Variants in ARPP21 observed in about 807,000 individuals in gnomAD.
ARPP21 encodes cAMP regulated phosphoprotein 21, also known as cAMP-regulated phosphoprotein 21.
Under a neutral mutation model 113.2 loss-of-function variants are expected in ARPP21, and 69 were observed. The observed-to-expected ratio is 0.61, with a 90% confidence interval of 0.50 to 0.74. The LOEUF is 0.74. Ranked by LOEUF, ARPP21 falls within the 30% of genes least tolerant of loss-of-function variation. ARPP21 has a pLI of 0.00. For missense variants in ARPP21, 1,070 were observed against 1,037.4 expected, an observed-to-expected ratio of 1.03 and a Z score of -0.43; for synonymous variants, 368 against 375.5, an observed-to-expected ratio of 0.98 and a Z score of 0.23.
In ARPP21 at chr3:35,721,736, C is replaced by A. The variant is rs1055157629; in HGVS notation, c.1127C>A (p.Pro376His). The change falls in exon 14 of 21, where the codon CCC (proline) becomes CAC (histidine). Residue 376 changes from proline to histidine, a missense_variant. Coordinates refer to ENST00000684406, the MANE Select transcript of ARPP21 (RefSeq NM_001385562.1). ...DSDSSNRNLK[P>H]AMTKTASFGG... Reference sequence around the variant, plus strand: ...GACAGTTCCAACCGCAATCTAAAGCCCGCCATGACCAAGACGGCGAGTTTT... The same window carrying A: ...GACAGTTCCAACCGCAATCTAAAGCACGCCATGACCAAGACGGCGAGTTTT... 6.2e-7 allele frequency: 1 copy of A among 1,613,886 alleles called. No individual in the cohort carries two copies. The highest frequency in any genetic ancestry group is 2.2e-5 in the East Asian group (1 of 44,862).
Position 35,793,772 on chromosome 3 carries a change from G to A in ARPP21, c.2358G>A (p.Gln786=), listed in dbSNP as rs755279830. 6.2e-7 allele frequency: 1 copy of A among 1,613,960 alleles called. No homozygotes were observed. Among genetic ancestry groups the A allele is most frequent in the Non-Finnish European group, 8.5e-7 (1 of 1,179,864 alleles). ...AACAGCCAATCATGCTACCTAACCA[G>A]GCAGGTCAAGGGTCACTCCCAGCCA... ...SYQQPIMLPN[Q]AGQGSLPATG... is the part of the protein sequence containing the mutation. Residue 786 remains glutamine (Q), a synonymous_variant, in exon 21 of 21, where the codon CAG becomes CAA. Transcript: ENST00000684406.
At chr3:35,717,493 A>AGGTT (rs1225453730) in intron 13 of ARPP21, 136 bp downstream of exon 13, 8 of 597,740 alleles carry the variant, frequency 1.3e-5, no homozygotes, top group Non-Finnish European at 2.1e-5. Context: ...AAGCTTGTTA[A>AGGTT]ATAGCTAGCG....
intron 1 of ARPP21, among the ~76,000 whole-genome samples, chr3:35,671,957 G>A (rs1269288848): frequency 6.6e-6 from 1 of 151,920 alleles, no homozygotes; most frequent in Non-Finnish European, 1.5e-5. Context: ...TCAGTTCAAA[G>A]GTTCAGCACT....
intron 3 of ARPP21, 122 bp downstream of exon 3, chr3:35,682,002 G>A (rs1244066088): frequency 3.5e-6 from 4 of 1,142,742 alleles, no homozygotes; most frequent in South Asian, 4.8e-5. Context: ...ATTAGGAAAT[G>A]CTAGTCTCCT....
chr3:35,706,866 T>A, intron 9 of ARPP21, 108 bp from the exon 10 acceptor site: 1 of 767,404 alleles, frequency 1.3e-6, no homozygotes, highest in Non-Finnish European at 2.1e-6. Context: ...TGAAAACCAC[T>A]TGTAAACTTT....
At chr3:35,684,020 G>T in intron 5 of ARPP21, 2 of 1,586,838 alleles carry the variant, frequency 1.3e-6, no homozygotes, top group South Asian at 2.2e-5. Context: ...TTTTTTTCCA[G>T]ACTCTCTGAA....
chr3:35,717,524 A>G (rs2092583216), intron 13 of ARPP21, among the ~76,000 whole-genome samples, 167 bp downstream of exon 13: 1 of 152,106 alleles, frequency 6.6e-6, no homozygotes. Flanking sequence ...ATTGGGTAGT[A>G]TGAGATATGA....
At chr3:35,787,070 C>T (rs2096649294) in intron 19 of ARPP21, among the ~76,000 whole-genome samples, 1 of 152,158 alleles carries the variant, frequency 6.6e-6, no homozygotes, top group African/African-American at 2.4e-5. Context: ...CCATAGTGTT[C>T]ACAGAATTAG....
chr3:35,667,972 G>C (rs1300390109), intron 1 of ARPP21, among the ~76,000 whole-genome samples: 5 of 129,368 alleles, frequency 3.9e-5, no homozygotes, highest in African/African-American at 1.5e-4. Flanking sequence ...AGAAGAAGAA[G>C]AAGAAGAAGA....
intron 1 of ARPP21, chr3:35,641,798 T>C (rs1174497436): frequency 2.6e-5 from 4 of 152,148 alleles, no homozygotes; most frequent in Non-Finnish European, 5.9e-5. Flanking sequence ...GGAGAGTGAG[T>C]TTGGGTATAT....
At chr3:35,743,999 C>T (rs763919370) in intron 19 of ARPP21, 34 bp downstream of exon 19, 4 of 1,612,664 alleles carry the variant, frequency 2.5e-6, no homozygotes, top group African/African-American at 2.7e-5. Flanking sequence ...TGCTTCTCAA[C>T]CCAGTTATTT....
intron 5 of ARPP21, among the ~76,000 whole-genome samples, chr3:35,687,008 GACTA>G (rs890308879): frequency 3.9e-4 from 59 of 151,146 alleles, no homozygotes; most frequent in African/African-American, 1.3e-3. Flanking sequence ...TTTTGGAAAG[GACTA>G]ACTGATGCTA....
intron 1 of ARPP21, among the ~76,000 whole-genome samples, chr3:35,665,443 A>C (rs189796589): frequency 6.6e-6 from 1 of 152,274 alleles, no homozygotes; most frequent in East Asian, 1.9e-4. Flanking sequence ...ATACATGGAC[A>C]CTCTAAAAAT....
At chr3:35,740,928 T>C (rs34024204) in intron 18 of ARPP21, among the ~76,000 whole-genome samples, 15,908 of 151,562 alleles carry the variant, frequency 0.1, 848 homozygotes, top group Non-Finnish European at 0.12. Context: ...GGAGACTTCA[T>C]CTCTGCAAAG....
intron 13 of ARPP21, among the ~76,000 whole-genome samples, chr3:35,719,059 A>G (rs901303806): frequency 6.6e-6 from 1 of 152,036 alleles, no homozygotes. Flanking sequence ...TCCAATGACC[A>G]GATATCCCAT....
chr3:35,729,211 T>C (rs952050626), intron 14 of ARPP21, 92 bp from the exon 15 acceptor site: 2 of 809,302 alleles, frequency 2.5e-6, no homozygotes, highest in Non-Finnish European at 4.1e-6. Context: ...TCTTTAATGA[T>C]GTGTCGCAGA....
intron 15 of ARPP21, among the ~76,000 whole-genome samples, chr3:35,730,658 A>T (rs1465911314): frequency 6.6e-6 from 1 of 152,254 alleles, no homozygotes; most frequent in Non-Finnish European, 1.5e-5. Context: ...TTCTTCAATT[A>T]GCTAAACTCA....
chr3:35,768,640 T>C (rs970754711), intron 19 of ARPP21, among the ~76,000 whole-genome samples: 5 of 152,170 alleles, frequency 3.3e-5, no homozygotes, highest in Non-Finnish European at 7.4e-5. Context: ...AATTTGCTTT[T>C]TACTAAAAAT....
At chr3:35,793,667 T>G (rs2096792106) in intron 20 of ARPP21, 34 bp from the exon 21 acceptor site, 1 of 1,565,470 alleles carries the variant, frequency 6.4e-7, no homozygotes, top group East Asian at 2.2e-5. Flanking sequence ...AAATAGTCTC[T>G]TCATACAGGG....
Sources: gnomAD v4.1 joint callset for allele counts (sites outside exome capture counted in the v4.1 genomes callset) on GRCh38, gnomAD v4.1.1 for gene constraint, MANE v1.5 for transcripts, NCBI Gene and HGNC (gene_info 2026-07-23, HGNC 2026-07-21) for gene names.